The following ISLR variants were observed in gnomAD, a reference collection of about 807,000 sequenced individuals.
The protein encoded by ISLR is immunoglobulin superfamily containing leucine rich repeat, also known as immunoglobulin superfamily containing leucine-rich repeat protein.
Under a neutral mutation model 11.0 loss-of-function variants are expected in ISLR, and 9 were observed. The observed-to-expected ratio is 0.82, with a 90% CI of 0.49 to 1.43. ISLR has a LOEUF of 1.43. Among genes scored for constraint, ISLR ranks in the 40% most tolerant of loss-of-function variants. The pLI, the probability that ISLR is intolerant of heterozygous loss-of-function variation, is 0.00. For synonymous variants in ISLR, 262 were observed against 264.1 expected (o/e 0.99, Z 0.08); for missense variants, 510 against 576.4 (o/e 0.88, Z 1.18).
intron 1 of ISLR, 118 bp from the exon 2 acceptor site, chr15:74,174,733 G>A (rs1475710825): frequency 2.8e-6 from 2 of 726,256 alleles, no homozygotes; most frequent in East Asian, 2.9e-5. Flanking sequence ...TTGGGATTTA[G>A]CTGGGTTATG....
Position 74,175,550 on chromosome 15 carries a change from C to G in ISLR, c.692C>G (p.Ala231Gly), listed in dbSNP as rs543753338. 1.6e-5 allele frequency: 25 copies of G among 1,611,452 alleles called. 1 individual carries two copies. In the African/African-American group the frequency reaches 2.8e-4, roughly 18 times the overall value. The change falls in exon 2 of 2, where the codon GCG becomes GGG. Residue 231 changes from alanine to glycine, a missense_variant. By Grantham distance (60) the Ala-to-Gly change is moderately conservative. Coordinates refer to ENST00000249842, the MANE Select transcript of ISLR (RefSeq NM_005545.4). This position sits in a 1 kb window ranked among gnomAD's most constrained non-coding sequence, Gnocchi z 4.7. ...LSRLPPLPCSAPSVQLSYQPS... is the reference protein window; with the variant it reads ...LSRLPPLPCSGPSVQLSYQPS... ...CGCCTGCCGCCACTGCCATGCTCGG[C>G]GCCCTCAGTGCAGCTCAGCTACCAA...
Position 74,176,262 on chromosome 15 carries a change from A to G in ISLR, c.*117A>G, listed in dbSNP as rs1270297178. ...TGCATGGGTGACTTCACATTTTCCT[A>G]CCTCTCCTTCTAATCTCTTCTAGAG... On this transcript the variant is annotated 3_prime_UTR_variant, in exon 2 of 2. Coordinates refer to ENST00000249842, the MANE Select transcript of ISLR (RefSeq NM_005545.4). The G allele has an allele frequency of 1.2e-5, 9 of 756,414 alleles. No homozygotes were observed. The South Asian group carries it at 1.6e-4, about 14-fold the overall frequency. The allele number at this position is 756,414 out of a possible 1,614,324, so 46.9% of individuals were successfully genotyped here.
Position 74,175,975 on chromosome 15 carries a change from GACA to G in ISLR, c.1120_1122del (p.Asn374del). On this transcript the variant is annotated inframe_deletion, in exon 2 of 2. Coordinates refer to ENST00000249842, the MANE Select transcript of ISLR (RefSeq NM_005545.4). The surrounding 1 kb of genome is among the most constrained non-coding windows in gnomAD (Gnocchi z 4.7). ...TGAGGGAAAGGGCTGCTATACGGTT[GACA>G]ACGAGGTGCAGCCATCAGGGCCGGA... The G allele has an allele frequency of 6.2e-7, 1 of 1,611,916 alleles. No homozygotes were observed. The highest frequency in any genetic ancestry group is 8.5e-7 in the Non-Finnish European group (1 of 1,178,488).
In ISLR at chr15:74,176,106, C is replaced by A; in HGVS notation, c.1248C>A (p.Gly416=). ...GQLPPGLLLL[G]QSLLLFFFLT... is the part of the protein sequence containing the mutation. ...TGCCCCCAGGCCTGCTCCTGCTGGG[C>A]CAAAGCCTCCTCCTCTTCTTCTTCC... Residue 416 remains glycine, a synonymous_variant, in exon 2 of 2, where the codon GGC becomes GGA. Transcript: ENST00000249842. 6.3e-7 allele frequency: 1 copy of A among 1,576,430 alleles called. No homozygotes were observed. The highest frequency in any genetic ancestry group is 8.6e-7 in the Non-Finnish European group (1 of 1,161,032).
Position 74,175,744 on chromosome 15 carries a change from C to T in ISLR, c.886C>T (p.Pro296Ser), listed in dbSNP as rs1385445024. Residue 296 changes from proline (P) to serine (S), a missense_variant, in exon 2 of 2, where the codon CCT becomes TCT. By Grantham distance (74) the Pro-to-Ser change is moderately conservative (BLOSUM62 -1). Transcript: ENST00000249842. This position sits in a 1 kb window ranked among gnomAD's most constrained non-coding sequence, Gnocchi z 4.7. The stretch of plus-strand genomic sequence containing the variant: ...TGATGGGCGTGCCCTGCCTGGCACC[C>T]CTGTGGCCAGCTCCCAGCCGCGCTT... ...GTDGRALPGT[P>S]VASSQPRFQA... 1 of 1,613,826 alleles carries T rather than the reference C, an allele frequency of 6.2e-7. No individual in the cohort carries two copies. The highest frequency in any genetic ancestry group is 8.5e-7 in the Non-Finnish European group (1 of 1,179,914).
At position 74,175,452 on chromosome 15, in the gene ISLR, G is replaced by A. The variant is rs538752955; in HGVS notation, c.594G>A (p.Thr198=). The change falls in exon 2 of 2, where the codon ACG becomes ACA. Residue 198 remains threonine (T), a synonymous_variant. Coordinates refer to ENST00000249842, the MANE Select transcript of ISLR (RefSeq NM_005545.4). This position sits in a 1 kb window ranked among gnomAD's most constrained non-coding sequence, Gnocchi z 4.7. ...IVWLKTWALT[T]AVSIPEQDNI... is the part of the protein sequence containing the mutation. Reference sequence around the variant, plus strand: ...GGCTCAAGACATGGGCCCTGACCACGGCCGTGTCCATCCCGGAGCAGGACA... The same window carrying A: ...GGCTCAAGACATGGGCCCTGACCACAGCCGTGTCCATCCCGGAGCAGGACA... 8 of 1,611,672 alleles carry A rather than the reference G, an allele frequency of 5.0e-6. 1 individual carries two copies. Among genetic ancestry groups the A allele is most frequent in the Middle Eastern group, 3.3e-4 (2 of 6,062 alleles).
In ISLR at chr15:74,175,150, A is replaced by G; in HGVS notation, c.292A>G (p.Ser98Gly). 6.2e-7 allele frequency: 1 copy of G among 1,611,796 alleles called. No individual in the cohort carries two copies. Among genetic ancestry groups the G allele is most frequent in the Non-Finnish European group, 8.5e-7 (1 of 1,179,950 alleles). Residue 98 changes from serine (S) to glycine (G), a missense_variant, in exon 2 of 2, where the codon AGC (serine) becomes GGC (glycine). By Grantham distance (56) the Ser-to-Gly change is moderately conservative. Transcript: ENST00000249842. The surrounding 1 kb of genome is among the most constrained non-coding windows in gnomAD (Gnocchi z 4.7). ...TVAAGALASL[S>G]HLKSLDLSHN... The stretch of plus-strand genomic sequence containing the variant: ...GGCCGCCGGAGCCCTGGCCTCTCTG[A>G]GCCATCTCAAGAGCCTGGACCTCAG...
intron 1 of ISLR, chr15:74,174,643 C>T (rs2072770722): frequency 2.1e-6 from 1 of 480,892 alleles, no homozygotes; most frequent in Non-Finnish European, 3.6e-6. Flanking sequence ...TGCCTGGCTG[C>T]GTGACCTCGG....
In ISLR at chr15:74,175,760, A is replaced by G. The variant is rs142288315; in HGVS notation, c.902A>G (p.Gln301Arg). The G allele has an allele frequency of 2.5e-6, 4 of 1,613,940 alleles. No homozygotes were observed. In the African/African-American group the frequency reaches 4.0e-5, roughly 16 times the overall value. ...ALPGTPVASS[Q>R]PRFQAFANGS... ...CCTGGCACCCCTGTGGCCAGCTCCC[A>G]GCCGCGCTTCCAGGCCTTTGCCAAT... Residue 301 changes from glutamine to arginine, a missense_variant, in exon 2 of 2, where the codon CAG becomes CGG. Physicochemically the swap from Gln to Arg is conservative, Grantham distance 43. Coordinates refer to ENST00000249842, the MANE Select transcript of ISLR (RefSeq NM_005545.4). This position sits in a 1 kb window ranked among gnomAD's most constrained non-coding sequence, Gnocchi z 4.7.
intron 1 of ISLR, 42 bp from the exon 2 acceptor site, chr15:74,174,809 C>T: frequency 2.8e-6 from 4 of 1,445,134 alleles, no homozygotes; most frequent in Middle Eastern, 1.9e-4. Context: ...GTCCCTTTGG[C>T]AGGTTCTCGG....
At position 74,175,858 on chromosome 15, in the gene ISLR, G is replaced by A; in HGVS notation, c.1000G>A (p.Gly334Ser). ...TYSCLATNEL[G>S]SAESSVDVAL... ...CAGCTGCCTGGCCACCAATGAGCTG[G>A]GCAGTGCTGAGAGCTCAGTGGACGT... The change falls in exon 2 of 2, where the codon GGC (glycine) becomes AGC (serine). Residue 334 changes from glycine (G) to serine (S), a missense_variant. Gly to Ser is a moderately conservative substitution (Grantham distance 56, BLOSUM62 0). Transcript: ENST00000249842. The surrounding 1 kb of genome is among the most constrained non-coding windows in gnomAD (Gnocchi z 4.7). 1 of 1,614,086 alleles carries A rather than the reference G, an allele frequency of 6.2e-7. No individual in the cohort carries two copies. The highest frequency in any genetic ancestry group is 1.1e-5 in the South Asian group (1 of 91,084).
At position 74,173,786 on chromosome 15, in the gene ISLR, C is replaced by T. The variant is rs956611799; in HGVS notation, c.-242C>T. 1 of 154,442 alleles carries T rather than the reference C, an allele frequency of 6.5e-6. No homozygotes were observed. The highest frequency in any genetic ancestry group is 1.5e-5 in the Non-Finnish European group (1 of 68,258). The allele number at this position is 154,442 out of a possible 1,614,324, so 9.6% of individuals were successfully genotyped here. A position where few individuals can be genotyped will look rare whatever the true frequency, so the allele number is the denominator to read the frequency against. ...TGGAAGGAGGGAGTGCGCGGGCTGCCCCGGGCTCCTCCCTGCCGCCTCCTC... is the reference window on the plus strand; with the variant it reads ...TGGAAGGAGGGAGTGCGCGGGCTGCTCCGGGCTCCTCCCTGCCGCCTCCTC... On this transcript the variant is annotated 5_prime_UTR_variant, in exon 1 of 2. Coordinates refer to ENST00000249842, the MANE Select transcript of ISLR (RefSeq NM_005545.4).
In ISLR at chr15:74,176,312, C is replaced by A. The variant is rs950895436; in HGVS notation, c.*167C>A. The A allele has an allele frequency of 1.6e-5, 9 of 571,666 alleles. No homozygotes were observed. The highest frequency in any genetic ancestry group is 2.5e-5 in the Non-Finnish European group (8 of 322,408). 35.4% of individuals were successfully genotyped at this position (571,666 alleles called of 1,614,324 possible). ...GCACCTGCTATCCCCAACTTCTAGA[C>A]CTGCTCCAAACTAGTGACTAGGATA... On this transcript the variant is annotated 3_prime_UTR_variant, in exon 2 of 2. Transcript: ENST00000249842.
Position 74,176,016 on chromosome 15 carries a change from C to T in ISLR, c.1158C>T (p.Val386=). Residue 386 remains valine (V), a synonymous_variant, in exon 2 of 2, where the codon GTC becomes GTT. Transcript: ENST00000249842. ...CATCAGGGCCGGAGGACAATGTGGT[C>T]ATCATCTACCTCAGCCGTGCTGGGA... The part of the protein sequence containing the change: ...VQPSGPEDNV[V]IIYLSRAGNP... The T allele has an allele frequency of 1.2e-6, 2 of 1,613,442 alleles. No individual in the cohort carries two copies. Among genetic ancestry groups the T allele is most frequent in the African/African-American group, 1.3e-5 (1 of 75,064 alleles).
chr15:74,174,800 T>C, intron 1 of ISLR, 51 bp from the exon 2 acceptor site: 1 of 1,395,190 alleles, frequency 7.2e-7, no homozygotes, highest in Non-Finnish European at 9.5e-7. Context: ...GAGGAATGAG[T>C]CCCTTTGGCA....
chr15:74,175,618 G>T lies in ISLR; in HGVS notation c.760G>T (p.Ala254Ser), dbSNP rs1313450778. ...CGAGCTGCGGCCTGGTTTTGTGCTGGCACTGCACTGTGATGTGGACGGGCA... is the reference window on the plus strand; with the variant it reads ...CGAGCTGCGGCCTGGTTTTGTGCTGTCACTGCACTGTGATGTGGACGGGCA... Reference protein sequence around the residue: ...GAELRPGFVLALHCDVDGQPA... With the variant: ...GAELRPGFVLSLHCDVDGQPA... Residue 254 changes from alanine (A) to serine (S), a missense_variant, in exon 2 of 2, where the codon GCA becomes TCA. Transcript: ENST00000249842. The surrounding 1 kb of genome is among the most constrained non-coding windows in gnomAD (Gnocchi z 4.7). 7 of 1,614,010 alleles carry T rather than the reference G, an allele frequency of 4.3e-6. No homozygotes were observed. The highest frequency in any genetic ancestry group is 2.2e-5 in the East Asian group (1 of 44,882).
Position 74,175,392 on chromosome 15 carries a change from C to G in ISLR, c.534C>G (p.Asn178Lys). ...CCGCGCTGTCCCACCTGCAGATCAA[C>G]GAGAACCCCTTCGACTGCACCTGCG... The part of the protein sequence containing the change: ...PLTALSHLQI[N>K]ENPFDCTCGI... Residue 178 changes from asparagine to lysine, a missense_variant, in exon 2 of 2, where the codon AAC becomes AAG. By Grantham distance (94) the Asn-to-Lys change is moderately conservative. Coordinates refer to ENST00000249842, the MANE Select transcript of ISLR (RefSeq NM_005545.4). This position sits in a 1 kb window ranked among gnomAD's most constrained non-coding sequence, Gnocchi z 4.7. The G allele has an allele frequency of 5.6e-6, 9 of 1,611,892 alleles. No homozygotes were observed. Among genetic ancestry groups the G allele is most frequent in the Non-Finnish European group, 6.8e-6 (8 of 1,179,920 alleles).
In ISLR at chr15:74,175,593, C is replaced by T. The variant is rs1385248728; in HGVS notation, c.735C>T (p.Ala245=). Reference sequence around the variant, plus strand: ...GCTACCAACCCAGCCAGGATGGTGCCGAGCTGCGGCCTGGTTTTGTGCTGG... The same window carrying T: ...GCTACCAACCCAGCCAGGATGGTGCTGAGCTGCGGCCTGGTTTTGTGCTGG... ...QLSYQPSQDG[A]ELRPGFVLAL... Residue 245 remains alanine, a synonymous_variant, in exon 2 of 2, where the codon GCC becomes GCT. Coordinates refer to ENST00000249842, the MANE Select transcript of ISLR (RefSeq NM_005545.4). This position sits in a 1 kb window ranked among gnomAD's most constrained non-coding sequence, Gnocchi z 4.7. The T allele has an allele frequency of 3.1e-6, 5 of 1,613,470 alleles. No individual in the cohort carries two copies. The highest frequency in any genetic ancestry group is 1.6e-4 in the Middle Eastern group (1 of 6,084).
chr15:74,174,785 T>G, intron 1 of ISLR, 66 bp from the exon 2 acceptor site: 1 of 1,284,268 alleles, frequency 7.8e-7, no homozygotes, highest in Non-Finnish European at 1.0e-6. Flanking sequence ...TGGCTGGGCT[T>G]GTGGGAGGAA....
Sources: gnomAD v4.1 joint callset for allele counts on GRCh38, gnomAD v4.1.1 for gene constraint, Gnocchi (gnomAD v3.1) non-coding constraint, MANE v1.5 for transcripts, NCBI Gene and HGNC (gene_info 2026-07-23, HGNC 2026-07-21) for gene names.